Variants in WDR88 observed in about 807,000 individuals in gnomAD.
The protein encoded by WDR88 is WD repeat domain 88.
WDR88 carries 40 observed loss-of-function variants against 46.8 expected under a neutral mutation model. The observed-to-expected ratio is 0.86, with a 90% CI of 0.66 to 1.11. The LOEUF (loss-of-function observed/expected upper bound fraction) is 1.11, where lower values mean the gene tolerates loss of function less well. Among genes scored for constraint, WDR88 ranks in the 50% most tolerant of loss-of-function variants. The probability of loss-of-function intolerance (pLI) is 0.00; values close to 1 mark genes in which losing one functional copy is unlikely to be tolerated. For synonymous variants in WDR88, 235 were observed against 240.7 expected (o/e 0.98, Z 0.22); for missense variants, 562 against 602.4 (o/e 0.93, Z 0.70).
At chr19:33,163,622 T>C (rs183348871) in intron 8 of WDR88, among the ~76,000 whole-genome samples, 15 of 151,464 alleles carry the variant, frequency 9.9e-5, no homozygotes, top group African/African-American at 3.1e-4. Flanking sequence ...GGAAGTACAA[T>C]GAGCTGCTCT....
intron 5 of WDR88, among the ~76,000 whole-genome samples, chr19:33,150,626 C>G (rs1216933925): frequency 6.6e-6 from 1 of 152,240 alleles, no homozygotes; most frequent in East Asian, 1.9e-4. Context: ...CTCATATGTG[C>G]TTTGTGTTTC....
intron 5 of WDR88, 82 bp downstream of exon 5, chr19:33,148,992 C>T: frequency 1.9e-6 from 3 of 1,583,144 alleles, no homozygotes; most frequent in South Asian, 1.1e-5. Flanking sequence ...CCTTCCATTG[C>T]TTTATTTGGT....
At chr19:33,140,195 C>T (rs1973360765) in intron 2 of WDR88, among the ~76,000 whole-genome samples, 1 of 152,182 alleles carries the variant, frequency 6.6e-6, no homozygotes, top group Non-Finnish European at 1.5e-5. Flanking sequence ...TTCTCTGTCA[C>T]CCAGGCTGGA....
intron 9 of WDR88, among the ~76,000 whole-genome samples, chr19:33,165,644 G>A (rs564940087): frequency 2.4e-4 from 36 of 152,282 alleles, no homozygotes; most frequent in African/African-American, 5.8e-4. Context: ...TGTAATCCCA[G>A]CACTTTGGGA....
chr19:33,150,351 CTG>C (rs1973608517), intron 5 of WDR88, among the ~76,000 whole-genome samples: 1 of 152,178 alleles, frequency 6.6e-6, no homozygotes, highest in Admixed American at 6.5e-5. Flanking sequence ...ACTCGGGAGG[CTG>C]AGGCAGAATT....
intron 2 of WDR88, among the ~76,000 whole-genome samples, chr19:33,143,644 C>CA (rs11330443): frequency 0.056 from 6,559 of 117,044 alleles, 359 homozygotes; most frequent in African/African-American, 0.15. Context: ...GACCCTCTCT[C>CA]AAAAAAAAAA....
chr19:33,175,447 G>T lies in WDR88; in HGVS notation c.1294G>T (p.Glu432Ter). The change falls in exon 11 of 11, where the codon GAA (glutamate) becomes TAA (stop). Residue 432 changes from glutamate to a stop codon, truncating the protein, a stop_gained. Coordinates refer to ENST00000355868, the MANE Select transcript of WDR88 (RefSeq NM_173479.4). LOFTEE classifies it low-confidence loss of function (END_TRUNC). ...FSIFKSDTSS[E>*]MFTQCVFCRI... ...CATCTTCAAGAGTGACACCTCTTCT[G>T]AAATGTTCACCCAATGCGTGTTCTG... The T allele has an allele frequency of 6.2e-7, 1 of 1,614,186 alleles. No homozygotes were observed.
intron 9 of WDR88, among the ~76,000 whole-genome samples, chr19:33,166,543 G>A (rs562263781): frequency 1.1e-4 from 17 of 152,208 alleles, no homozygotes; most frequent in Non-Finnish European, 2.5e-4. Context: ...GCTGCAGCGG[G>A]CTGTGATCAT....
At chr19:33,162,722 C>T (rs943719130) in intron 8 of WDR88, among the ~76,000 whole-genome samples, 2 of 152,072 alleles carry the variant, frequency 1.3e-5, no homozygotes, top group Non-Finnish European at 1.5e-5. Flanking sequence ...CACCCGAGTA[C>T]TATTTTAAAA....
At chr19:33,165,114 G>A (rs1188403814) in intron 9 of WDR88, among the ~76,000 whole-genome samples, 1 of 152,120 alleles carries the variant, frequency 6.6e-6, no homozygotes, top group Non-Finnish European at 1.5e-5. Flanking sequence ...CTGACAGGAG[G>A]TGGAGCTCAG....
At chr19:33,134,745 C>T (rs1163335210) in intron 1 of WDR88, among the ~76,000 whole-genome samples, 1 of 152,008 alleles carries the variant, frequency 6.6e-6, no homozygotes, top group East Asian at 1.9e-4. Context: ...CGCTCCCTGG[C>T]AACGGAGCCC....
intron 1 of WDR88, 150 bp from the exon 2 acceptor site, chr19:33,137,527 A>T: frequency 1.7e-6 from 1 of 602,178 alleles, no homozygotes; most frequent in Non-Finnish European, 2.8e-6. Context: ...TGCTGGGATT[A>T]CAGACGTGAA....
At chr19:33,172,639 T>C (rs1974057244) in intron 10 of WDR88, among the ~76,000 whole-genome samples, 199 bp downstream of exon 10, 1 of 152,042 alleles carries the variant, frequency 6.6e-6, no homozygotes, top group Non-Finnish European at 1.5e-5. Context: ...GTAAGTCTCA[T>C]GGTGATAAGT....
intron 5 of WDR88, 148 bp from the exon 6 acceptor site, chr19:33,151,033 C>G: frequency 1.1e-6 from 1 of 927,284 alleles, no homozygotes. Flanking sequence ...ACATAGTAGT[C>G]ACTCAGGAAT....
At position 33,153,564 on chromosome 19, in the gene WDR88, G is replaced by A. The variant is rs774024221; in HGVS notation, c.809+2254G>A. Among the ~76,000 whole-genome samples the A allele has an allele frequency of 3.9e-5, 6 of 151,956 alleles. No individual in the cohort carries two copies. The South Asian group carries it at 8.3e-4, about 21-fold the overall frequency. On this transcript the variant is annotated intron_variant, in intron 6 of 10. Transcript: ENST00000355868. ...TATATCATTTGCAGGGTGCAATCTC[G>A]GCTCGCTGCAACCTCCGCCTCCCGG...
At chr19:33,173,680 C>T (rs1435869989) in intron 10 of WDR88, among the ~76,000 whole-genome samples, 1 of 152,210 alleles carries the variant, frequency 6.6e-6, no homozygotes, top group African/African-American at 2.4e-5. Flanking sequence ...CTGTTTGGCC[C>T]TTAAACTGTG....
Position 33,132,339 on chromosome 19 carries a change from C to T in WDR88, c.170C>T (p.Thr57Ile). 1 of 1,613,912 alleles carries T rather than the reference C, an allele frequency of 6.2e-7. No individual in the cohort carries two copies. ...ATCCCGCACACGCACCTGCTGGCCA[C>T]CCTCGACCCCCTGGCCTTGGACAGG... ...LSIPHTHLLA[T>I]LDPLALDREP... Residue 57 changes from threonine (T) to isoleucine (I), a missense_variant, in exon 1 of 11, where the codon ACC becomes ATC. Coordinates refer to ENST00000355868, the MANE Select transcript of WDR88 (RefSeq NM_173479.4).
intron 9 of WDR88, among the ~76,000 whole-genome samples, chr19:33,171,910 A>G (rs1311311568): frequency 6.6e-6 from 1 of 152,112 alleles, no homozygotes; most frequent in East Asian, 1.9e-4. Flanking sequence ...AGTAGCTGGG[A>G]CTACAGGTGC....
In WDR88 at chr19:33,170,588, C is replaced by T. The variant is rs577261566; in HGVS notation, c.1150-1760C>T. Among the ~76,000 whole-genome samples, 13 of 151,916 alleles carry T rather than the reference C, an allele frequency of 8.6e-5. No individual in the cohort carries two copies. In the East Asian group the frequency reaches 1.2e-3, roughly 14 times the overall value. ...TCTAATTGAAAATCTTGGCTGGGCA[C>T]GGTGGCTCATGCCTGTAATGCCAGC... On this transcript the variant is annotated intron_variant, in intron 9 of 10. Coordinates refer to ENST00000355868, the MANE Select transcript of WDR88 (RefSeq NM_173479.4).
Sources: allele counts gnomAD v4.1 joint callset (sites outside exome capture counted in the v4.1 genomes callset), GRCh38; gene constraint gnomAD v4.1.1; transcripts MANE v1.5; gene names NCBI Gene and HGNC (gene_info 2026-07-23, HGNC 2026-07-21).